GRM5: variants seen among roughly 807,000 people sequenced by gnomAD.
GRM5 encodes metabotropic glutamate receptor 5.
GRM5 carries 19 observed loss-of-function variants against 83.1 expected under a neutral mutation model. That is an observed-to-expected ratio of 0.23 (90% confidence interval 0.16 to 0.34). GRM5 has a LOEUF of 0.34. GRM5 is among the 10% of genes least tolerant of loss of function. The pLI is 1.00. For missense variants in GRM5, 1,160 were observed against 1,588.3 expected (o/e 0.73, Z 4.58); for synonymous variants, 675 against 633.6 (o/e 1.07, Z -0.98).
At chr11:88,533,130 AC>A (rs1411658966) in intron 8 of GRM5, among the ~76,000 whole-genome samples, 1 of 152,104 alleles carries the variant, frequency 6.6e-6, no homozygotes, top group Non-Finnish European at 1.5e-5. Flanking sequence ...GCTGTTAGTT[AC>A]CCATTTCTCT....
chr11:88,928,907 T>TACACACACACAC (rs1555043262), intron 2 of GRM5, among the ~76,000 whole-genome samples: 3 of 138,674 alleles, frequency 2.2e-5, no homozygotes, highest in Non-Finnish European at 3.1e-5. Flanking sequence ...TATGTGTATA[T>TACACACACACAC]ACACACACAC....
At chr11:88,748,020 G>T (rs536877661) in intron 3 of GRM5, among the ~76,000 whole-genome samples, 4 of 152,140 alleles carry the variant, frequency 2.6e-5, no homozygotes, top group Non-Finnish European at 5.9e-5. Flanking sequence ...GGTGAAGTAT[G>T]TTCCACTCTG....
chr11:88,742,848 C>T (rs1942056691), intron 3 of GRM5, among the ~76,000 whole-genome samples: 1 of 152,066 alleles, frequency 6.6e-6, no homozygotes, highest in Non-Finnish European at 1.5e-5. Context: ...AGAACTGCTT[C>T]TACAGAGTGT....
At chr11:89,009,970 A>C (rs2135087784) in intron 2 of GRM5, among the ~76,000 whole-genome samples, 1 of 147,664 alleles carries the variant, frequency 6.8e-6, no homozygotes, top group South Asian at 2.1e-4. Context: ...TAATAAATAT[A>C]TTTAAATTGA....
chr11:88,746,626 A>C (rs1403136578), intron 3 of GRM5, among the ~76,000 whole-genome samples: 1 of 152,142 alleles, frequency 6.6e-6, no homozygotes, highest in Non-Finnish European at 1.5e-5. Context: ...GAGCTGATTT[A>C]TTTTCACCTG....
intron 3 of GRM5, among the ~76,000 whole-genome samples, chr11:88,696,093 A>G (rs1210666945): frequency 6.6e-6 from 1 of 152,154 alleles, no homozygotes; most frequent in Non-Finnish European, 1.5e-5. Flanking sequence ...ACAAAGTTTT[A>G]TTAGCTGTCA....
intron 3 of GRM5, among the ~76,000 whole-genome samples, chr11:88,831,972 C>T (rs1944003578): frequency 6.6e-6 from 1 of 152,154 alleles, no homozygotes; most frequent in Non-Finnish European, 1.5e-5. Flanking sequence ...CACATTTAGC[C>T]TGCCATTGCC....
chr11:88,509,249 G>C lies in GRM5; in HGVS notation c.2982C>G (p.Asp994Glu). ...CATCATACAGCGCCTTGGGGCCGGC[G>C]TCTGGGGACTCGGGCCCGCCTGGGC... is the stretch of plus-strand genomic sequence containing the variant. The part of the protein sequence containing the change: ...GAGPGGPESP[D>E]AGPKALYDVA... Residue 994 changes from aspartate (D) to glutamate (E), a missense_variant, in exon 10 of 10, where the codon GAC becomes GAG. Transcript: ENST00000305447. 6.7e-7 allele frequency: 1 copy of C among 1,491,406 alleles called. No homozygotes were observed. The highest frequency in any genetic ancestry group is 8.9e-7 in the Non-Finnish European group (1 of 1,123,870). 92.4% of individuals were successfully genotyped at this position (1,491,406 alleles called of 1,614,324 possible). A position where few individuals can be genotyped will look rare whatever the true frequency, so the allele number is the denominator to read the frequency against.
chr11:88,606,542 CA>C (rs1416379881), intron 4 of GRM5, among the ~76,000 whole-genome samples: 4 of 152,054 alleles, frequency 2.6e-5, no homozygotes, highest in Non-Finnish European at 4.4e-5. Flanking sequence ...AACAAACAAC[CA>C]AAAAAGATTA....
At chr11:88,522,351 C>T (rs1941717644) in intron 9 of GRM5, among the ~76,000 whole-genome samples, 1 of 152,154 alleles carries the variant, frequency 6.6e-6, no homozygotes, top group African/African-American at 2.4e-5. Context: ...GCTTCCATCA[C>T]AGTTATCTCC....
At chr11:88,756,584 CA>C (rs1430051556) in intron 3 of GRM5, among the ~76,000 whole-genome samples, 3 of 151,812 alleles carry the variant, frequency 2.0e-5, no homozygotes, top group African/African-American at 4.8e-5. Context: ...TGAATACATA[CA>C]AAAAATTATA....
At chr11:88,921,755 A>G (rs2135629754) in intron 2 of GRM5, among the ~76,000 whole-genome samples, 1 of 152,294 alleles carries the variant, frequency 6.6e-6, no homozygotes, top group Admixed American at 6.5e-5. Flanking sequence ...AAGTCCTAGT[A>G]AGAGCCATCA....
intron 1 of GRM5, among the ~76,000 whole-genome samples, chr11:89,065,070 G>A (rs964451928): frequency 1.6e-4 from 24 of 151,322 alleles, no homozygotes; most frequent in African/African-American, 5.1e-4. Flanking sequence ...ATCTTTACAT[G>A]ACCCACAGTT....
intron 2 of GRM5, among the ~76,000 whole-genome samples, chr11:88,875,840 G>T (rs1487880967): frequency 6.6e-6 from 1 of 152,004 alleles, no homozygotes; most frequent in African/African-American, 2.4e-5. Flanking sequence ...TTAACTGTGG[G>T]CTTAAAATAT....
At chr11:88,908,317 A>G (rs1180406196) in intron 2 of GRM5, among the ~76,000 whole-genome samples, 3 of 152,146 alleles carry the variant, frequency 2.0e-5, no homozygotes, top group Non-Finnish European at 4.4e-5. Context: ...AATAATGGTC[A>G]TAATTCACCA....
chr11:88,765,891 C>T (rs1193015344), intron 3 of GRM5, among the ~76,000 whole-genome samples: 1 of 151,580 alleles, frequency 6.6e-6, no homozygotes, highest in African/African-American at 2.4e-5. Context: ...ACACTATCAA[C>T]AGAATAAAAA....
At chr11:88,973,844 G>A (rs935413482) in intron 2 of GRM5, among the ~76,000 whole-genome samples, 6 of 152,046 alleles carry the variant, frequency 3.9e-5, no homozygotes, top group African/African-American at 1.4e-4. Flanking sequence ...TTATACAACA[G>A]GTCCCTATAT....
Position 88,584,967 on chromosome 11 carries a change from G to T in GRM5, c.1690+5634C>A, listed in dbSNP as rs990107875. Reference sequence around the variant, plus strand: ...TGAATTTTTTAAGCTGAAGGAATTTGAGAAACAGCAAGTGCAGAAAGACTT... The same window carrying T: ...TGAATTTTTTAAGCTGAAGGAATTTTAGAAACAGCAAGTGCAGAAAGACTT... On this transcript the variant is annotated intron_variant, in intron 7 of 9. Transcript: ENST00000305447. Among the ~76,000 whole-genome samples, 4 of 152,148 alleles carry T rather than the reference G, an allele frequency of 2.6e-5. No individual in the cohort carries two copies. The East Asian group carries it at 5.8e-4, about 22-fold the overall frequency.
At chr11:88,923,476 T>C (rs1945728452) in intron 2 of GRM5, among the ~76,000 whole-genome samples, 1 of 152,072 alleles carries the variant, frequency 6.6e-6, no homozygotes, top group Admixed American at 6.6e-5. Flanking sequence ...TTCTCACTCA[T>C]TTGCAGGGGC....
Sources: gnomAD v4.1 joint callset for allele counts (sites outside exome capture counted in the v4.1 genomes callset) on GRCh38, gnomAD v4.1.1 for gene constraint, MANE v1.5 for transcripts, NCBI Gene and HGNC (gene_info 2026-07-23, HGNC 2026-07-21) for gene names.